Variants in TENM1 observed in about 807,000 individuals in gnomAD.
TENM1 encodes the protein teneurin-1.
Under a neutral mutation model 174.8 loss-of-function variants are expected in TENM1, and 35 were observed. That is an observed-to-expected ratio of 0.20 (90% confidence interval 0.15 to 0.27). The LOEUF is 0.27. Among genes scored for constraint, TENM1 ranks in the 10% least tolerant of loss-of-function variants. The probability of loss-of-function intolerance (pLI) is 1.00; values close to 1 mark genes in which losing one functional copy is unlikely to be tolerated. For missense variants in TENM1, 1,633 were observed against 2,130.1 expected (o/e 0.77, Z 4.59); for synonymous variants, 781 against 798.7 (o/e 0.98, Z 0.37).
chrX:124,918,977 C>T (rs2057976140), intron 1 of TENM1, among the ~76,000 whole-genome samples: 1 of 112,122 alleles, frequency 8.9e-6, no homozygotes, highest in African/African-American at 3.2e-5. Flanking sequence ...GTCCTATGTT[C>T]CCATTTTGCA....
At chrX:125,120,579 A>G in the TENM1 span, among the ~76,000 whole-genome samples, 144 of 110,958 alleles carry the variant, frequency 1.3e-3, 1 homozygote, top group Admixed American at 4.5e-3. Flanking sequence ...CTTGTATGTT[A>G]GCATGTTATG....
intron 3 of TENM1, among the ~76,000 whole-genome samples, chrX:124,864,978 GA>G (rs1393504284): frequency 2.7e-5 from 3 of 110,570 alleles, no homozygotes; most frequent in African/African-American, 9.8e-5. Flanking sequence ...AGTGCTAAAG[GA>G]AAAAAAAGTT....
chrX:124,527,559 GC>G (rs1197072607), intron 16 of TENM1, among the ~76,000 whole-genome samples: 8 of 110,415 alleles, frequency 7.2e-5, no homozygotes, highest in Non-Finnish European at 1.5e-4. Flanking sequence ...GATCCTATCA[GC>G]AACTCTCATA....
the TENM1 span, among the ~76,000 whole-genome samples, chrX:125,160,113 T>C: frequency 9.3e-6 from 1 of 107,157 alleles, no homozygotes; most frequent in East Asian, 2.9e-4. Flanking sequence ...GGCAGGAGAA[T>C]TGCTTGAACC....
chrX:125,108,524 C>A, the TENM1 span, among the ~76,000 whole-genome samples: 25 of 110,243 alleles, frequency 2.3e-4, no homozygotes, highest in African/African-American at 7.9e-4. Context: ...AGTTCGAGAC[C>A]AGCCTGGCCA....
chrX:124,758,831 T>C lies in TENM1; in HGVS notation c.536-21634A>G, dbSNP rs139568518. On this transcript the variant is annotated intron_variant, in intron 3 of 31. Coordinates refer to ENST00000422452, the Ensembl canonical transcript of TENM1. ...TTATATGAGGAATCTAAATCTAAAA[T>C]AGTCAAACTCTTAGAAAGTACTAAT... Among the ~76,000 whole-genome samples, 82 of 111,634 alleles carry C rather than the reference T, an allele frequency of 7.3e-4. 1 individual carries two copies. Among genetic ancestry groups the C allele is most frequent in the Admixed American group, 3.7e-3 (39 of 10,501 alleles).
At chrX:124,996,182 T>C in the TENM1 span, among the ~76,000 whole-genome samples, 1 of 111,298 alleles carries the variant, frequency 9.0e-6, no homozygotes, top group Non-Finnish European at 1.9e-5. Context: ...AGTACTATAA[T>C]CATCTAATAG....
chrX:125,171,726 C>T, the TENM1 span, among the ~76,000 whole-genome samples: 1 of 111,501 alleles, frequency 9.0e-6, no homozygotes, highest in African/African-American at 3.3e-5. Context: ...AGTGCCTTGG[C>T]GTTGGAATTC....
At chrX:124,708,848 A>T in intron 4 of TENM1, among the ~76,000 whole-genome samples, 1 of 111,810 alleles carries the variant, frequency 8.9e-6, no homozygotes, top group Admixed American at 9.5e-5. Flanking sequence ...ATAAAAAAAA[A>T]GATTCATGAG....
intron 11 of TENM1, among the ~76,000 whole-genome samples, chrX:124,627,872 G>A (rs2050671982): frequency 9.0e-6 from 1 of 111,218 alleles, no homozygotes; most frequent in Non-Finnish European, 1.9e-5. Context: ...TCCTTCTTGA[G>A]AAACCGAAAG....
exon 32 of TENM1, chrX:124,376,704 T>C (rs375958324): frequency 1.8e-5 from 2 of 112,341 alleles, no homozygotes; most frequent in East Asian, 5.5e-4. Context: ...TTTTTTGTTG[T>C]TTGTTTTCTG....
chrX:124,941,422 C>A (rs756779583), intron 1 of TENM1, among the ~76,000 whole-genome samples: 8 of 111,711 alleles, frequency 7.2e-5, no homozygotes, highest in African/African-American at 2.6e-4. Flanking sequence ...CTTTTCCTGT[C>A]AGTCATTTAA....
At chrX:124,671,891 A>C in intron 5 of TENM1, 56 bp from the exon 9 acceptor site, 43 of 1,138,631 alleles carry the variant, frequency 3.8e-5, no homozygotes, top group Non-Finnish European at 4.8e-5. Flanking sequence ...GAACATCTCC[A>C]AGCCAGGTAT....
the TENM1 span, among the ~76,000 whole-genome samples, chrX:125,152,602 T>C: frequency 3.6e-5 from 4 of 112,042 alleles, no homozygotes; most frequent in Non-Finnish European, 7.5e-5. Context: ...TTTTCCTAAA[T>C]AGTTTCTGCA....
chrX:125,083,494 C>A, the TENM1 span, among the ~76,000 whole-genome samples: 1 of 110,064 alleles, frequency 9.1e-6, no homozygotes, highest in Non-Finnish European at 1.9e-5. Flanking sequence ...ACCCAAGATT[C>A]TGAACTCTGA....
chrX:124,547,782 T>C (rs1021346904), intron 14 of TENM1, among the ~76,000 whole-genome samples: 6 of 112,323 alleles, frequency 5.3e-5, no homozygotes, highest in Non-Finnish European at 1.1e-4. Flanking sequence ...AAGGAATTTA[T>C]AGAAGGAACT....
intron 3 of TENM1, among the ~76,000 whole-genome samples, chrX:124,861,382 T>A (rs1221814722): frequency 8.9e-6 from 1 of 112,052 alleles, no homozygotes; most frequent in Admixed American, 9.4e-5. Flanking sequence ...TATGGGTTTA[T>A]GATTCTTTTA....
chrX:124,785,149 G>A (rs2055005703), intron 3 of TENM1, among the ~76,000 whole-genome samples: 1 of 111,558 alleles, frequency 9.0e-6, no homozygotes, highest in African/African-American at 3.2e-5. Context: ...GGAATAAAAT[G>A]TAATGAATGA....
chrX:125,202,314 C>T, the TENM1 span, among the ~76,000 whole-genome samples: 1 of 112,132 alleles, frequency 8.9e-6, no homozygotes, highest in East Asian at 2.8e-4. Flanking sequence ...GACACTTACT[C>T]GTCACAAACG....
Sources: allele counts gnomAD v4.1 joint callset (sites outside exome capture counted in the v4.1 genomes callset), GRCh38; gene constraint gnomAD v4.1.1; transcripts MANE v1.5; gene names NCBI Gene and HGNC (gene_info 2026-07-23, HGNC 2026-07-21).